The following HERC2 variants were observed in gnomAD, a reference collection of about 807,000 sequenced individuals.
The protein encoded by HERC2 is HECT and RLD domain containing E3 ubiquitin protein ligase 2, also known as E3 ubiquitin-protein ligase HERC2.
In HERC2, 102 loss-of-function variants were observed where a neutral mutation model predicts 537.7. That is an observed-to-expected ratio of 0.19 (90% CI 0.16 to 0.22). The LOEUF is 0.22. Among genes scored for constraint, HERC2 ranks in the 10% least tolerant of loss-of-function variants. The pLI is 1.00. For missense variants in HERC2, 4,236 were observed against 6,198.2 expected (o/e 0.68, Z 10.63); for synonymous variants, 2,224 against 2,466.2 (o/e 0.90, Z 2.91).
In HERC2 at chr15:28,265,482, T is replaced by C. The variant is rs2140953066; in HGVS notation, c.1870+136A>G. ...GTAACCACCCGGGCCTCTTCCCCAA[T>C]GCCACTGAGCCCCACACCCACTGGG... On this transcript the variant is annotated intron_variant, in intron 14 of 92. Coordinates refer to ENST00000261609, the MANE Select transcript of HERC2 (RefSeq NM_004667.6). This position sits in a 1 kb window ranked among gnomAD's most constrained non-coding sequence, Gnocchi z 4.0. 3.0e-6 allele frequency: 2 copies of C among 672,804 alleles called. No individual in the cohort carries two copies. The allele number at this position is 672,804 out of a possible 1,614,324, so 41.7% of individuals were successfully genotyped here. A position where few individuals can be genotyped will look rare whatever the true frequency, so the allele number is the denominator to read the frequency against.
intron 2 of HERC2, among the ~76,000 whole-genome samples, chr15:28,308,230 A>G (rs1310468371): frequency 6.6e-6 from 1 of 152,164 alleles, no homozygotes; most frequent in African/African-American, 2.4e-5. Flanking sequence ...AATGTCTTTC[A>G]TCAGCGTTTT....
intron 74 of HERC2, 120 bp from the exon 75 acceptor site, chr15:28,143,072 A>T: frequency 1.1e-6 from 1 of 882,824 alleles, no homozygotes; most frequent in Non-Finnish European, 1.7e-6. Context: ...AAAACTAAAA[A>T]AAAAAAGCTT....
rs542786472 is a variant in HERC2, at chr15:28,122,729, G to A, written c.13189-1300C>T. ...CATAACCAGGACCAGAACCGAGGCT[G>A]CCTACACATTCCCTGACCAGAGGTA... On this transcript the variant is annotated intron_variant, in intron 85 of 92. Coordinates refer to ENST00000261609, the MANE Select transcript of HERC2 (RefSeq NM_004667.6). The surrounding 1 kb of genome is among the most constrained non-coding windows in gnomAD (Gnocchi z 4.1). Among the ~76,000 whole-genome samples the A allele has an allele frequency of 5.3e-5, 8 of 152,200 alleles. No individual in the cohort carries two copies. In the East Asian group the frequency reaches 1.5e-3, roughly 29 times the overall value.
chr15:28,200,721 T>G (rs1216666566), intron 48 of HERC2, among the ~76,000 whole-genome samples: 3 of 151,458 alleles, frequency 2.0e-5, no homozygotes, highest in African/African-American at 7.3e-5. Flanking sequence ...AAGCGTTAGA[T>G]ATGAGATGAT....
Position 28,121,389 on chromosome 15 carries a change from C to T in HERC2, c.13229G>A (p.Arg4410His), listed in dbSNP as rs1301972291. Residue 4410 changes from arginine (R) to histidine (H), a missense_variant, in exon 86 of 93, where the codon CGC (arginine) becomes CAC (histidine). Transcript: ENST00000261609. ...CACGACGGGGCCATGCTGACGATCG[C>T]GTACCATAGTTGCTTGTACTACTTT... ...FRKVVQATMVRDRQHGPVVEL... is the reference protein window; with the variant it reads ...FRKVVQATMVHDRQHGPVVEL... 12 of 1,614,070 alleles carry T rather than the reference C, an allele frequency of 7.4e-6. No individual in the cohort carries two copies. Among genetic ancestry groups the T allele is most frequent in the Non-Finnish European group, 5.9e-6 (7 of 1,180,042 alleles).
chr15:28,231,204 C>T lies in HERC2; in HGVS notation c.4676-704G>A, dbSNP rs2525984. On this transcript the variant is annotated intron_variant, in intron 30 of 92. Transcript: ENST00000261609. ...AAAAAATAAGCAACATGATAATACACCTGGGCAGTAAAGAGCTAACATAGC... is the reference window on the plus strand; with the variant it reads ...AAAAAATAAGCAACATGATAATACATCTGGGCAGTAAAGAGCTAACATAGC... Among the ~76,000 whole-genome samples, 34 of 152,302 alleles carry T rather than the reference C, an allele frequency of 2.2e-4. No homozygotes were observed. The South Asian group carries it at 4.1e-3, about 19-fold the overall frequency.
intron 59 of HERC2, among the ~76,000 whole-genome samples, chr15:28,178,353 T>C (rs914674823): frequency 3.3e-5 from 5 of 152,190 alleles, no homozygotes; most frequent in Admixed American, 3.3e-4. Flanking sequence ...GGACCAGCAC[T>C]CCTCATAGAC....
chr15:28,162,330 A>G (rs1178427489), intron 69 of HERC2, among the ~76,000 whole-genome samples: 1 of 152,218 alleles, frequency 6.6e-6, no homozygotes, highest in Non-Finnish European at 1.5e-5. Context: ...CTGTCTCAAA[A>G]ACCTTAGACG....
chr15:28,188,436 C>T (rs1001111922), intron 55 of HERC2, among the ~76,000 whole-genome samples: 1 of 151,620 alleles, frequency 6.6e-6, no homozygotes, highest in Non-Finnish European at 1.5e-5. Flanking sequence ...CCCAGCTACT[C>T]GGGAGGCTGA....
At position 28,135,635 on chromosome 15, in the gene HERC2, C is replaced by A. The variant is rs959821599; in HGVS notation, c.12073G>T (p.Val4025Leu). The change falls in exon 79 of 93, where the codon GTG becomes TTG. Residue 4025 changes from valine to leucine, a missense_variant. Around this residue, in one of 27 missense-constraint regions of HERC2, gnomAD observed 43 missense variants for 82.6 expected, o/e 0.52. Transcript: ENST00000261609. The part of the protein sequence containing the change: ...GRLGIGGTES[V>L]STPTLLESIQ... ...GATTCAAGCAATGTTGGGGTGGACA[C>A]CGACTCTGTCCCTCCAATGCCTAGT... 1.2e-6 allele frequency: 2 copies of A among 1,614,028 alleles called. No homozygotes were observed. The highest frequency in any genetic ancestry group is 1.7e-6 in the Non-Finnish European group (2 of 1,180,024).
rs1308676057 is a variant in HERC2, at chr15:28,254,497, C to T, written c.2893G>A (p.Ala965Thr). ...EIQDIEAKKE[A>T]QKEKEIDEQE... ...TCATCAATTTCTTTTTCCTTCTGTGCTTCTTTTTTGGCTTCAATATCCTGT... is the reference window on the plus strand; with the variant it reads ...TCATCAATTTCTTTTTCCTTCTGTGTTTCTTTTTTGGCTTCAATATCCTGT... Residue 965 changes from alanine to threonine, a missense_variant, in exon 20 of 93, where the codon GCA becomes ACA. By Grantham distance (58) the Ala-to-Thr change is moderately conservative. This residue lies in a region of HERC2 where 754 missense variants were observed against 1,085.0 expected (regional missense o/e 0.69). Coordinates refer to ENST00000261609, the MANE Select transcript of HERC2 (RefSeq NM_004667.6). 6.3e-7 allele frequency: 1 copy of T among 1,595,496 alleles called. No individual in the cohort carries two copies.
intron 78 of HERC2, among the ~76,000 whole-genome samples, chr15:28,139,176 AC>A (rs1327585406): frequency 1.3e-5 from 2 of 152,230 alleles, no homozygotes; most frequent in East Asian, 1.9e-4. Context: ...AAGCATGCCT[AC>A]AGCTCCCTCT....
chr15:28,309,334 G>A (rs2076877054), intron 2 of HERC2, among the ~76,000 whole-genome samples: 1 of 152,044 alleles, frequency 6.6e-6, no homozygotes. Context: ...ATGTATCTGG[G>A]TGCTCTAGTG....
In HERC2 at chr15:28,117,249, G is replaced by A. The variant is rs184648730; in HGVS notation, c.13273-95C>T. ...GCACTGGCGAATGCACGAGGAGGAG[G>A]CACCGTGCATGGGCCCCTCCCTGGT... On this transcript the variant is annotated intron_variant, in intron 86 of 92. Coordinates refer to ENST00000261609, the MANE Select transcript of HERC2 (RefSeq NM_004667.6). 821 of 1,248,506 alleles carry A rather than the reference G, an allele frequency of 6.6e-4. 2 individuals carry two copies. In the African/African-American group the frequency reaches 0.011, roughly 16 times the overall value. The allele number at this position is 1,248,506 out of a possible 1,614,324, so 77.3% of individuals were successfully genotyped here.
At chr15:28,207,296 G>C (rs1335692181) in intron 44 of HERC2, among the ~76,000 whole-genome samples, 1 of 151,962 alleles carries the variant, frequency 6.6e-6, no homozygotes, top group Non-Finnish European at 1.5e-5. Flanking sequence ...CACCACGCCC[G>C]GCTAATTTTT....
chr15:28,240,275 G>C (rs566773141), intron 23 of HERC2, among the ~76,000 whole-genome samples: 1 of 152,064 alleles, frequency 6.6e-6, no homozygotes, highest in South Asian at 2.1e-4. Flanking sequence ...AAAATTAGCC[G>C]GGCGTGGTGG....
intron 83 of HERC2, among the ~76,000 whole-genome samples, chr15:28,127,684 G>A (rs1230976313): frequency 6.6e-6 from 1 of 152,096 alleles, no homozygotes; most frequent in African/African-American, 2.4e-5. Context: ...CGAGGCGTGG[G>A]GCATGGCGGG....
intron 4 of HERC2, 47 bp downstream of exon 4, chr15:28,292,841 G>C (rs1301511986): frequency 3.2e-6 from 5 of 1,573,900 alleles, no homozygotes; most frequent in Non-Finnish European, 4.3e-6. Context: ...ATTTAGAAAG[G>C]GAGCGTCAGA....
chr15:28,277,826 G>A (rs918534148), intron 5 of HERC2, among the ~76,000 whole-genome samples: 1 of 152,058 alleles, frequency 6.6e-6, no homozygotes. Flanking sequence ...ATGTACAGTC[G>A]TCCCTTGGTA....
Sources: gnomAD v4.1 joint callset for allele counts (sites outside exome capture counted in the v4.1 genomes callset) on GRCh38, gnomAD v4.1.1 for gene constraint, gnomAD v4.1.1 regional missense constraint, Gnocchi (gnomAD v3.1) non-coding constraint, MANE v1.5 for transcripts, NCBI Gene and HGNC (gene_info 2026-07-23, HGNC 2026-07-21) for gene names.